THEMIS: variants seen among roughly 807,000 people sequenced by gnomAD.
THEMIS encodes the protein protein THEMIS.
THEMIS carries 37 observed loss-of-function variants against 52.6 expected under a neutral mutation model. That is an observed-to-expected ratio of 0.70 (90% CI 0.54 to 0.93). The LOEUF (loss-of-function observed/expected upper bound fraction) is 0.93. Ranked by LOEUF, THEMIS falls within the 40% of genes least tolerant of loss-of-function variation. The pLI, the probability that THEMIS is intolerant of heterozygous loss-of-function variation, is 0.00. For missense variants in THEMIS, 808 were observed against 763.1 expected (o/e 1.06, Z -0.69); for synonymous variants, 292 against 272.7 (o/e 1.07, Z -0.70).
At chr6:127,786,152 T>C (rs1213468538) in intron 4 of THEMIS, among the ~76,000 whole-genome samples, 1 of 152,156 alleles carries the variant, frequency 6.6e-6, no homozygotes, top group East Asian at 1.9e-4. Context: ...ATAAACCACA[T>C]GGATAAAAGT....
chr6:127,858,003 T>A (rs1779674906), intron 1 of THEMIS, among the ~76,000 whole-genome samples: 2 of 152,090 alleles, frequency 1.3e-5, no homozygotes, highest in Non-Finnish European at 2.9e-5. Context: ...CGTAGCCCAT[T>A]TCAGCTGAAG....
intron 1 of THEMIS, among the ~76,000 whole-genome samples, chr6:127,858,693 A>G (rs1275391605): frequency 6.6e-6 from 1 of 152,168 alleles, no homozygotes; most frequent in Non-Finnish European, 1.5e-5. Flanking sequence ...GTGTATATAT[A>G]GACATACATA....
chr6:127,736,464 T>C, intron 4 of THEMIS, among the ~76,000 whole-genome samples: 1 of 152,084 alleles, frequency 6.6e-6, no homozygotes, highest in Admixed American at 6.5e-5. Flanking sequence ...AAGAGCTGAG[T>C]ATTTATTGAT....
intron 4 of THEMIS, among the ~76,000 whole-genome samples, chr6:127,754,022 A>G (rs1775736272): frequency 6.6e-6 from 1 of 152,138 alleles, no homozygotes; most frequent in Admixed American, 6.5e-5. Flanking sequence ...ATGGGTTTAT[A>G]CTTATCCTCA....
chr6:127,842,164 G>T (rs1459288453), intron 2 of THEMIS, among the ~76,000 whole-genome samples: 1 of 151,790 alleles, frequency 6.6e-6, no homozygotes, highest in African/African-American at 2.4e-5. Flanking sequence ...TTCCTATCAG[G>T]TCCTTTAGAA....
At chr6:127,804,015 C>A (rs1351945603) in intron 4 of THEMIS, among the ~76,000 whole-genome samples, 2 of 152,068 alleles carry the variant, frequency 1.3e-5, no homozygotes, top group Non-Finnish European at 2.9e-5. Flanking sequence ...CTTTATGAAT[C>A]CATATACATG....
upstream of THEMIS, among the ~76,000 whole-genome samples, chr6:127,902,053 G>A (rs1018549510): frequency 5.3e-5 from 8 of 151,966 alleles, no homozygotes; most frequent in African/African-American, 1.9e-4. Flanking sequence ...GGCTGGGTAC[G>A]GTGGCTCATA....
intron 4 of THEMIS, among the ~76,000 whole-genome samples, chr6:127,775,911 T>A (rs919007297): frequency 2.0e-5 from 3 of 152,174 alleles, no homozygotes; most frequent in Non-Finnish European, 1.5e-5. Flanking sequence ...TTGCCAGATA[T>A]ATGTATCTCT....
At chr6:127,775,221 TAAG>T in intron 4 of THEMIS, among the ~76,000 whole-genome samples, 1 of 152,230 alleles carries the variant, frequency 6.6e-6, no homozygotes, top group Admixed American at 6.5e-5. Context: ...TTTCTGCCCA[TAAG>T]AAGTTGGGGA....
intron 1 of THEMIS, among the ~76,000 whole-genome samples, chr6:127,895,340 G>A (rs1780932050): frequency 6.6e-6 from 1 of 151,452 alleles, no homozygotes; most frequent in Non-Finnish European, 1.5e-5. Context: ...AAAAACATTT[G>A]TGGTAAGAAA....
At chr6:127,771,567 T>C (rs1776385968) in intron 4 of THEMIS, among the ~76,000 whole-genome samples, 1 of 152,046 alleles carries the variant, frequency 6.6e-6, no homozygotes, top group South Asian at 2.1e-4. Flanking sequence ...AAAACAGATA[T>C]ATAGACCAAT....
At chr6:127,903,557 G>T (rs930033498), upstream of THEMIS, among the ~76,000 whole-genome samples, 4 of 151,844 alleles carry the variant, frequency 2.6e-5, no homozygotes, top group Admixed American at 2.0e-4. Flanking sequence ...ATTAAAGTTA[G>T]ATACATTTTA....
At chr6:127,740,515 T>A (rs1056163320) in intron 4 of THEMIS, among the ~76,000 whole-genome samples, 3 of 152,222 alleles carry the variant, frequency 2.0e-5, no homozygotes, top group African/African-American at 7.2e-5. Flanking sequence ...CTGGTTCTCC[T>A]GAAAGTGGTT....
chr6:127,862,228 A>G (rs1779826610), intron 1 of THEMIS, among the ~76,000 whole-genome samples: 1 of 152,058 alleles, frequency 6.6e-6, no homozygotes, highest in African/African-American at 2.4e-5. Flanking sequence ...TGCCCTAGCT[A>G]AAAGACACAG....
chr6:127,862,832 A>G (rs946461107), intron 1 of THEMIS, among the ~76,000 whole-genome samples: 1 of 152,136 alleles, frequency 6.6e-6, no homozygotes, highest in African/African-American at 2.4e-5. Flanking sequence ...ATCACTAATC[A>G]TACAAGGTAT....
At chr6:127,827,064 TG>T (rs1778533474) in intron 3 of THEMIS, among the ~76,000 whole-genome samples, 1 of 152,114 alleles carries the variant, frequency 6.6e-6, no homozygotes, top group African/African-American at 2.4e-5. Flanking sequence ...CATGGCTCCC[TG>T]TAGTTCTCAG....
chr6:127,701,314 A>G, the THEMIS span, among the ~76,000 whole-genome samples: 1 of 152,032 alleles, frequency 6.6e-6, no homozygotes, highest in Non-Finnish European at 1.5e-5. Context: ...TTCTGTATCT[A>G]ATTTTTATGA....
intron 4 of THEMIS, among the ~76,000 whole-genome samples, chr6:127,789,682 C>T (rs1320825228): frequency 6.6e-6 from 1 of 152,324 alleles, no homozygotes; most frequent in East Asian, 1.9e-4. Context: ...CCACCACCAT[C>T]AAGTCGGCTT....
At chr6:127,817,003 A>C (rs1262726586) in intron 3 of THEMIS, among the ~76,000 whole-genome samples, 2 of 152,176 alleles carry the variant, frequency 1.3e-5, no homozygotes, top group Non-Finnish European at 2.9e-5. Context: ...CTCTAAATGC[A>C]CTATTTAAAA....
Sources: allele counts gnomAD v4.1 joint callset (sites outside exome capture counted in the v4.1 genomes callset), GRCh38; gene constraint gnomAD v4.1.1; transcripts MANE v1.5; gene names NCBI Gene and HGNC (gene_info 2026-07-23, HGNC 2026-07-21).